The following NAV3 variants were observed in gnomAD, a reference collection of about 807,000 sequenced individuals.
The protein encoded by NAV3 is pore membrane and/or filament interacting like protein 1.
Under a neutral mutation model 244.7 loss-of-function variants are expected in NAV3, and 87 were observed. The observed-to-expected ratio is 0.36, with a 90% CI of 0.30 to 0.42. The LOEUF (loss-of-function observed/expected upper bound fraction) is 0.42, where lower values mean the gene tolerates loss of function less well. NAV3 is among the 20% of genes least tolerant of loss of function. The pLI is 1.00. For synonymous variants in NAV3, 1,126 were observed against 1,042.2 expected (o/e 1.08, Z -1.55); for missense variants, 2,663 against 2,893.3 (o/e 0.92, Z 1.83).
intron 23 of NAV3, among the ~76,000 whole-genome samples, chr12:78,164,307 C>G (rs1158746062): frequency 6.6e-6 from 1 of 152,006 alleles, no homozygotes; most frequent in Non-Finnish European, 1.5e-5. Flanking sequence ...TGATGAAGCT[C>G]AGATATTGAC....
At chr12:77,614,740 T>C (rs772224691) in intron 2 of NAV3, among the ~76,000 whole-genome samples, 1 of 152,206 alleles carries the variant, frequency 6.6e-6, no homozygotes, top group Non-Finnish European at 1.5e-5. Context: ...AGTAAAACTA[T>C]GTGCTTTCAC....
At chr12:77,994,235 A>G (rs537597220) in intron 5 of NAV3, among the ~76,000 whole-genome samples, 1 of 152,372 alleles carries the variant, frequency 6.6e-6, no homozygotes, top group East Asian at 1.9e-4. Flanking sequence ...AAGACAAAAC[A>G]TCTTTTATTG....
intron 2 of NAV3, among the ~76,000 whole-genome samples, chr12:77,656,208 A>G (rs924900911): frequency 7.0e-6 from 1 of 143,382 alleles, no homozygotes; most frequent in Non-Finnish European, 1.5e-5. Flanking sequence ...GTATTCAGGA[A>G]ACCCATCTCA....
intron 2 of NAV3, among the ~76,000 whole-genome samples, chr12:77,659,088 C>T (rs1490993170): frequency 1.3e-5 from 2 of 151,726 alleles, no homozygotes; most frequent in Admixed American, 1.3e-4. Context: ...GCAATGGCAA[C>T]AAAAGCCAAA....
intron 2 of NAV3, among the ~76,000 whole-genome samples, chr12:77,691,357 A>ATATATATATATATC (rs1190972203): frequency 1.5e-5 from 2 of 137,586 alleles, no homozygotes; most frequent in East Asian, 2.2e-4. Context: ...ATATATATAC[A>ATATATATATATATC]TATCCATTCT....
At chr12:77,573,869 C>T (rs1868950429) in intron 2 of NAV3, among the ~76,000 whole-genome samples, 1 of 152,146 alleles carries the variant, frequency 6.6e-6, no homozygotes, top group Non-Finnish European at 1.5e-5. Context: ...GGGAGATTTT[C>T]TGCAAACACC....
chr12:78,201,121 A>C (rs1334810084), intron 38 of NAV3, among the ~76,000 whole-genome samples: 7 of 121,084 alleles, frequency 5.8e-5, no homozygotes, highest in African/African-American at 2.3e-4. Flanking sequence ...CACTCAGGCT[A>C]GTGCGCAGTG....
At chr12:77,626,977 G>C (rs1435309334) in intron 2 of NAV3, among the ~76,000 whole-genome samples, 3 of 152,004 alleles carry the variant, frequency 2.0e-5, no homozygotes. Flanking sequence ...AAGAAAAAGG[G>C]ACAAAGGATA....
At chr12:77,651,993 T>A (rs1386972798) in intron 2 of NAV3, among the ~76,000 whole-genome samples, 1 of 152,116 alleles carries the variant, frequency 6.6e-6, no homozygotes, top group Non-Finnish European at 1.5e-5. Flanking sequence ...GTGGTGGGGA[T>A]GTGATGACCA....
chr12:77,581,087 C>T (rs917948198), intron 2 of NAV3, among the ~76,000 whole-genome samples: 3 of 152,108 alleles, frequency 2.0e-5, no homozygotes, highest in Non-Finnish European at 4.4e-5. Flanking sequence ...CTATTACTTG[C>T]CTTTAAGCTG....
intron 2 of NAV3, among the ~76,000 whole-genome samples, chr12:77,736,215 A>C (rs964987249): frequency 2.6e-5 from 4 of 152,192 alleles, no homozygotes; most frequent in African/African-American, 9.7e-5. Flanking sequence ...AGTTCTATTA[A>C]ACCAATTTTA....
intron 23 of NAV3, among the ~76,000 whole-genome samples, chr12:78,162,561 A>G (rs111631397): frequency 1.3e-4 from 19 of 151,910 alleles, no homozygotes; most frequent in African/African-American, 4.6e-4. Flanking sequence ...CACAGATGAT[A>G]ATAAAAATAT....
intron 19 of NAV3, among the ~76,000 whole-genome samples, chr12:78,138,690 T>C (rs2139036965): frequency 6.6e-6 from 1 of 152,296 alleles, no homozygotes; most frequent in South Asian, 2.1e-4. Flanking sequence ...ACTTTTAAAA[T>C]AATTTGCTAA....
At chr12:77,747,814 A>G (rs575977682) in intron 2 of NAV3, among the ~76,000 whole-genome samples, 1 of 152,022 alleles carries the variant, frequency 6.6e-6, no homozygotes, top group African/African-American at 2.4e-5. Flanking sequence ...GTTCTCACTC[A>G]TAGGTGGGAA....
chr12:77,656,856 C>T (rs559062256), intron 2 of NAV3, among the ~76,000 whole-genome samples: 1 of 152,016 alleles, frequency 6.6e-6, no homozygotes, highest in South Asian at 2.1e-4. Flanking sequence ...TCCTGAATGA[C>T]TACTGGGTAC....
At chr12:78,069,584 A>G (rs1051608401) in intron 12 of NAV3, among the ~76,000 whole-genome samples, 2 of 151,984 alleles carry the variant, frequency 1.3e-5, no homozygotes, top group Admixed American at 1.3e-4. Flanking sequence ...TAATGATTGC[A>G]TGTCCTTCTG....
intron 16 of NAV3, among the ~76,000 whole-genome samples, chr12:78,125,023 A>G (rs1164293928): frequency 6.6e-6 from 1 of 152,170 alleles, no homozygotes; most frequent in Non-Finnish European, 1.5e-5. Flanking sequence ...TTTCTTGACA[A>G]TAGAAATGCA....
Position 78,140,302 on chromosome 12 carries a change from C to T in NAV3, c.4651C>T (p.Leu1551=). 6.2e-7 allele frequency: 1 copy of T among 1,613,480 alleles called. No homozygotes were observed. The highest frequency in any genetic ancestry group is 8.5e-7 in the Non-Finnish European group (1 of 1,179,604). ...MEEVHGSSLS[L]VSSTSSLYST... is the part of the protein sequence containing the mutation. ...TCCAGTTCATGGCTCTTCATTATCA[C>T]TGGTGTCCAGCACTTCTTCTCTTTA... The change falls in exon 20 of 40, where the codon CTG becomes TTG. Residue 1551 remains leucine (L), a synonymous_variant. Coordinates refer to ENST00000397909, the MANE Select transcript of NAV3 (RefSeq NM_001024383.2).
At chr12:78,074,884 A>G (rs1293656277) in intron 12 of NAV3, among the ~76,000 whole-genome samples, 1 of 152,226 alleles carries the variant, frequency 6.6e-6, no homozygotes, top group Non-Finnish European at 1.5e-5. Context: ...CCAGTTGTCC[A>G]ACCCAACTCT....
Sources: allele counts gnomAD v4.1 joint callset (sites outside exome capture counted in the v4.1 genomes callset), GRCh38; gene constraint gnomAD v4.1.1; transcripts MANE v1.5; gene names NCBI Gene and HGNC (gene_info 2026-07-23, HGNC 2026-07-21).